Variants in LCP2 observed in about 807,000 individuals in gnomAD.
LCP2 encodes the protein 76 kDa tyrosine phosphoprotein.
Under a neutral mutation model 74.5 loss-of-function variants are expected in LCP2, and 29 were observed. That is an observed-to-expected ratio of 0.39 (90% CI 0.29 to 0.53). The LOEUF (loss-of-function observed/expected upper bound fraction) is 0.53, where lower values mean the gene tolerates loss of function less well. Among genes scored for constraint, LCP2 ranks in the 20% least tolerant of loss-of-function variants. The pLI is 0.72. For missense variants in LCP2, 604 were observed against 634.6 expected, an observed-to-expected ratio of 0.95 and a Z score of 0.52; for synonymous variants, 228 against 229.5, an observed-to-expected ratio of 0.99 and a Z score of 0.06.
At chr5:170,267,351 A>G (rs1761785029) in intron 8 of LCP2, 1 of 526,368 alleles carries the variant, frequency 1.9e-6, no homozygotes, top group Non-Finnish European at 3.4e-6. Context: ...AAACTCGTTA[A>G]TGTCCTGCGA....
rs771566743 is a variant in LCP2 at position 170,253,219 on chromosome 5, A to G, written c.1151-6T>C. 75 of 1,574,816 alleles carry G rather than the reference A, an allele frequency of 4.8e-5. 1 individual carries two copies. The Middle Eastern group carries it at 1.2e-3, about 24-fold the overall frequency. ...AGGTGGTCTGTTGCTAGGGCCTTCA[A>G]AAGTATAGAATTCTGACAGTTAATT... On this transcript the variant is annotated splice_polypyrimidine_tract_variant and splice_region_variant and intron_variant, in intron 17 of 20. Coordinates refer to ENST00000046794, the MANE Select transcript of LCP2 (RefSeq NM_005565.5).
intron 3 of LCP2, among the ~76,000 whole-genome samples, chr5:170,277,295 G>A (rs955909112): frequency 6.6e-6 from 1 of 152,048 alleles, no homozygotes; most frequent in African/African-American, 2.4e-5. Context: ...CTATGAGAAC[G>A]GCTCATGATC....
At chr5:170,267,953 G>A (rs914051190) in intron 8 of LCP2, among the ~76,000 whole-genome samples, 26 of 152,098 alleles carry the variant, frequency 1.7e-4, no homozygotes, top group African/African-American at 6.0e-4. Flanking sequence ...CACAAGGACC[G>A]GGCTGTATGC....
chr5:170,257,344 T>C (rs1761571891), intron 16 of LCP2, among the ~76,000 whole-genome samples: 1 of 152,028 alleles, frequency 6.6e-6, no homozygotes, highest in Non-Finnish European at 1.5e-5. Flanking sequence ...AGAGGAAACA[T>C]TGTGAGAATC....
intron 3 of LCP2, among the ~76,000 whole-genome samples, chr5:170,278,997 G>T (rs927565095): frequency 2.6e-5 from 4 of 152,126 alleles, no homozygotes; most frequent in Non-Finnish European, 5.9e-5. Flanking sequence ...GGTTGCTATG[G>T]CTATTGCTAG....
chr5:170,251,064 A>T, intron 19 of LCP2, 179 bp from the exon 20 acceptor site: 1 of 565,304 alleles, frequency 1.8e-6, no homozygotes, highest in Non-Finnish European at 3.1e-6. Flanking sequence ...TACATATCCC[A>T]TGTGTCATGA....
intron 1 of LCP2, among the ~76,000 whole-genome samples, chr5:170,294,861 G>T (rs1458790684): frequency 6.6e-6 from 1 of 152,206 alleles, no homozygotes; most frequent in Non-Finnish European, 1.5e-5. Flanking sequence ...CTAACTTTGT[G>T]TCTAGATCAG....
chr5:170,297,424 A>G, intron 1 of LCP2, 110 bp downstream of exon 1: 1 of 922,038 alleles, frequency 1.1e-6, no homozygotes, highest in Non-Finnish European at 1.6e-6. Context: ...ATAGGGTTCC[A>G]TTGCTATCTT....
At chr5:170,250,585 C>A (rs1342599952) in intron 20 of LCP2, 145 bp downstream of exon 20, 1 of 650,708 alleles carries the variant, frequency 1.5e-6, no homozygotes, top group Admixed American at 3.1e-5. Context: ...TGCTTTATTT[C>A]TCTTCCAATA....
chr5:170,288,110 T>C (rs564580339), intron 2 of LCP2, 94 bp from the exon 3 acceptor site: 2 of 1,293,698 alleles, frequency 1.5e-6, no homozygotes, highest in African/African-American at 1.5e-5. Flanking sequence ...ATATAGGGAG[T>C]GGTGGGGACT....
intron 3 of LCP2, among the ~76,000 whole-genome samples, chr5:170,286,255 G>A (rs893790430): frequency 5.9e-5 from 9 of 152,136 alleles, no homozygotes; most frequent in African/African-American, 1.2e-4. Flanking sequence ...CATCAGATCC[G>A]GCTGACTATT....
chr5:170,264,995 T>C (rs1761724945), intron 10 of LCP2, among the ~76,000 whole-genome samples: 1 of 78,258 alleles, frequency 1.3e-5, no homozygotes, highest in Non-Finnish European at 2.8e-5. Context: ...TTTTTTTTTT[T>C]TTTTTTTTTT....
At chr5:170,263,959 CGAG>C (rs1761705216) in intron 10 of LCP2, among the ~76,000 whole-genome samples, 1 of 152,220 alleles carries the variant, frequency 6.6e-6, no homozygotes, top group Middle Eastern at 3.4e-3. Context: ...AAAACAGAGT[CGAG>C]AAGCCAGAGG....
At chr5:170,267,482 C>G (rs184409052) in intron 8 of LCP2, among the ~76,000 whole-genome samples, 147 of 152,174 alleles carry the variant, frequency 9.7e-4, no homozygotes, top group African/African-American at 3.5e-3. Context: ...CAAGGTTATG[C>G]CCTCTTTGGC....
At chr5:170,270,942 T>C (rs550523954) in intron 6 of LCP2, 25 bp from the exon 7 acceptor site, 1 of 1,587,534 alleles carries the variant, frequency 6.3e-7, no homozygotes, top group Admixed American at 1.8e-5. Flanking sequence ...ATAGGGACAG[T>C]GCAGTTTGTA....
At chr5:170,257,709 T>C (rs538421403) in intron 16 of LCP2, among the ~76,000 whole-genome samples, 7 of 152,290 alleles carry the variant, frequency 4.6e-5, no homozygotes, top group African/African-American at 1.7e-4. Flanking sequence ...GTACTTAGAC[T>C]AACTGGGTTT....
At position 170,262,847 on chromosome 5, in the gene LCP2, C is replaced by T. The variant is rs908125133; in HGVS notation, c.813G>A (p.Ala271=). 12 of 1,613,904 alleles carry T rather than the reference C, an allele frequency of 7.4e-6. No individual in the cohort carries two copies. The highest frequency in any genetic ancestry group is 4.4e-5 in the South Asian group (4 of 91,092). Residue 271 remains alanine, a synonymous_variant, in exon 12 of 21, where the codon GCG becomes GCA. Transcript: ENST00000046794. The part of the protein sequence containing the change: ...PPFSDKPSIP[A]GRSLGEHLPK... ...TGTAGATGCAACAGTCTTACCTTCC[C>T]GCTGGAATCGAGGGCTGCAAGACAG...
In LCP2 at chr5:170,266,813, G is replaced by A. The variant is rs779619210; in HGVS notation, c.767C>T (p.Thr256Ile). 10 of 1,612,684 alleles carry A rather than the reference G, an allele frequency of 6.2e-6. No individual in the cohort carries two copies. In the South Asian group the frequency reaches 6.6e-5, roughly 11 times the overall value. The change falls in exon 10 of 21, where the codon ACA becomes ATA. Residue 256 changes from threonine to isoleucine, a missense_variant. Transcript: ENST00000046794. ...SLAPFDREPFTLGKKPPFSDK... is the reference protein window; with the variant it reads ...SLAPFDREPFILGKKPPFSDK... ...TAAATGTGAATCATACCCACCTAGT[G>A]TGAAGGGTTCTCTATCAAACGGAGC...
At chr5:170,253,594 TC>T (rs1439175042) in intron 17 of LCP2, among the ~76,000 whole-genome samples, 2 of 152,214 alleles carry the variant, frequency 1.3e-5, no homozygotes, top group East Asian at 3.8e-4. Context: ...TATAATATCA[TC>T]ATAGGCAGAA....
Sources: gnomAD v4.1 joint callset for allele counts (sites outside exome capture counted in the v4.1 genomes callset) on GRCh38, gnomAD v4.1.1 for gene constraint, MANE v1.5 for transcripts, NCBI Gene and HGNC (gene_info 2026-07-23, HGNC 2026-07-21) for gene names.